The following SPIDR variants were observed in gnomAD, a reference collection of about 807,000 sequenced individuals.
SPIDR encodes DNA repair-scaffolding protein.
A neutral mutation model predicts 104.6 loss-of-function variants in SPIDR; 93 were observed. The observed-to-expected ratio is 0.89, with a 90% CI of 0.75 to 1.06. The LOEUF is 1.06. Ranked by LOEUF, SPIDR falls within the 50% of genes least tolerant of loss-of-function variation. SPIDR has a pLI of 0.00. For synonymous variants in SPIDR, 431 were observed against 416.9 expected (o/e 1.03, Z -0.41); for missense variants, 1,154 against 1,111.2 (o/e 1.04, Z -0.55).
chr8:47,483,540 T>A (rs1197557222), intron 8 of SPIDR, among the ~76,000 whole-genome samples: 1 of 151,982 alleles, frequency 6.6e-6, no homozygotes. Flanking sequence ...GATGGCCCGT[T>A]TAGGATAGGT....
intron 5 of SPIDR, among the ~76,000 whole-genome samples, chr8:47,393,162 A>G (rs1028532588): frequency 6.6e-6 from 1 of 152,242 alleles, no homozygotes; most frequent in African/African-American, 2.4e-5. Flanking sequence ...TTCCCCAGGT[A>G]TCCCATAGGC....
chr8:47,415,584 G>T (rs2064141105), intron 7 of SPIDR, among the ~76,000 whole-genome samples: 1 of 152,096 alleles, frequency 6.6e-6, no homozygotes, highest in African/African-American at 2.4e-5. Flanking sequence ...CTCATGAAGG[G>T]AATTAGAAGA....
In SPIDR at chr8:47,727,272, T is replaced by G. The variant is rs779202616; in HGVS notation, c.2414T>G (p.Leu805Trp). 1 of 1,614,034 alleles carries G rather than the reference T, an allele frequency of 6.2e-7. No homozygotes were observed. Among genetic ancestry groups the G allele is most frequent in the Non-Finnish European group, 8.5e-7 (1 of 1,179,982 alleles). ...TGTGACATGTGTGGCAACGGGAGAT[T>G]GGAACAGAGGCCGGAAGACAGGTAA... ...PVCDMCGNGRLEQRPEDRGAF... is the reference protein window; with the variant it reads ...PVCDMCGNGRWEQRPEDRGAF... Residue 805 changes from leucine to tryptophan, a missense_variant, in exon 17 of 20, where the codon TTG becomes TGG. By Grantham distance (61) the Leu-to-Trp change is moderately conservative. Coordinates refer to ENST00000297423, the MANE Select transcript of SPIDR (RefSeq NM_001080394.4).
intron 10 of SPIDR, among the ~76,000 whole-genome samples, chr8:47,649,373 G>T (rs1200723156): frequency 6.6e-6 from 1 of 152,076 alleles, no homozygotes. Flanking sequence ...CCAAAATGAG[G>T]GTTCATGCTG....
At chr8:47,426,445 A>G (rs183936996) in intron 7 of SPIDR, among the ~76,000 whole-genome samples, 98 of 151,976 alleles carry the variant, frequency 6.4e-4, no homozygotes, top group African/African-American at 2.1e-3. Flanking sequence ...ACTTTCATTC[A>G]ACATTTATTA....
chr8:47,297,363 T>C (rs1329572118), intron 5 of SPIDR, among the ~76,000 whole-genome samples: 2 of 152,200 alleles, frequency 1.3e-5, no homozygotes, highest in Admixed American at 6.5e-5. Flanking sequence ...GCCTTTATTG[T>C]GTATAAACAC....
chr8:47,338,884 A>G (rs1483431232), intron 5 of SPIDR, among the ~76,000 whole-genome samples: 1 of 152,190 alleles, frequency 6.6e-6, no homozygotes, highest in Non-Finnish European at 1.5e-5. Context: ...TGGGGGGGTC[A>G]GCCTTGACGT....
At chr8:47,438,066 C>G (rs1404386467) in intron 7 of SPIDR, among the ~76,000 whole-genome samples, 1 of 152,198 alleles carries the variant, frequency 6.6e-6, no homozygotes, top group Non-Finnish European at 1.5e-5. Context: ...TTGAGCTGCC[C>G]AAGACAAGAA....
At chr8:47,496,211 G>A (rs1366626123) in intron 8 of SPIDR, among the ~76,000 whole-genome samples, 3 of 151,958 alleles carry the variant, frequency 2.0e-5, no homozygotes, top group Non-Finnish European at 2.9e-5. Context: ...TTCCCTGACT[G>A]GAACCTCTAG....
At chr8:47,411,638 T>A (rs1369658309) in intron 7 of SPIDR, among the ~76,000 whole-genome samples, 2 of 152,232 alleles carry the variant, frequency 1.3e-5, no homozygotes, top group Non-Finnish European at 2.9e-5. Context: ...TCTTTTGCTG[T>A]GCAGAAGCTC....
chr8:47,398,769 A>G, intron 6 of SPIDR, among the ~76,000 whole-genome samples: 1 of 152,158 alleles, frequency 6.6e-6, no homozygotes, highest in South Asian at 2.1e-4. Flanking sequence ...GCTGGGCGAG[A>G]GGAGAACCTG....
chr8:47,452,085 A>G (rs1410840356), intron 8 of SPIDR, among the ~76,000 whole-genome samples: 8 of 152,196 alleles, frequency 5.3e-5, no homozygotes, highest in African/African-American at 7.2e-5. Context: ...TTCAAGCATA[A>G]TAAAGTCAAA....
intron 8 of SPIDR, among the ~76,000 whole-genome samples, chr8:47,484,247 G>C (rs2077242526): frequency 6.6e-6 from 1 of 152,252 alleles, no homozygotes; most frequent in Non-Finnish European, 1.5e-5. Context: ...AGCAATCATA[G>C]CAATGAAAAT....
At chr8:47,263,127 T>C (rs1291290013) in intron 1 of SPIDR, among the ~76,000 whole-genome samples, 6 of 152,246 alleles carry the variant, frequency 3.9e-5, no homozygotes, top group Non-Finnish European at 5.9e-5. Context: ...CTAAGTAATT[T>C]GCCTAAGGTC....
chr8:47,422,336 C>T (rs1013228926), intron 7 of SPIDR, among the ~76,000 whole-genome samples: 3 of 152,160 alleles, frequency 2.0e-5, no homozygotes, highest in Non-Finnish European at 4.4e-5. Context: ...GCCTCACTGC[C>T]CCCTTGCAGT....
chr8:47,520,528 T>C (rs2083899386), intron 8 of SPIDR, among the ~76,000 whole-genome samples: 1 of 152,184 alleles, frequency 6.6e-6, no homozygotes, highest in Non-Finnish European at 1.5e-5. Flanking sequence ...CAGAGCCAAT[T>C]CCCACCCCTT....
At chr8:47,287,568 C>T (rs1217925004) in intron 3 of SPIDR, among the ~76,000 whole-genome samples, 1 of 152,118 alleles carries the variant, frequency 6.6e-6, no homozygotes, top group Non-Finnish European at 1.5e-5. Flanking sequence ...TGCATTCCTT[C>T]CCCAGGGTAT....
chr8:47,707,296 G>T (rs545776919), intron 14 of SPIDR, among the ~76,000 whole-genome samples: 1 of 151,358 alleles, frequency 6.6e-6, no homozygotes, highest in African/African-American at 2.4e-5. Flanking sequence ...ATAAGGTGTC[G>T]GCCAACAGTA....
In SPIDR at chr8:47,437,543, G is replaced by A. The variant is rs543626569; in HGVS notation, c.878-2780G>A. On this transcript the variant is annotated intron_variant, in intron 7 of 19. Transcript: ENST00000297423. ...AGTCTTTGCTATTGTGAATAATGCC[G>A]CAATAAAAAACAACCCCATCAAAAA... Among the ~76,000 whole-genome samples the A allele has an allele frequency of 5.9e-5, 9 of 151,824 alleles. No homozygotes were observed. In the South Asian group the frequency reaches 8.3e-4, roughly 14 times the overall value.
Sources: allele counts gnomAD v4.1 joint callset (sites outside exome capture counted in the v4.1 genomes callset), GRCh38; gene constraint gnomAD v4.1.1; transcripts MANE v1.5; gene names NCBI Gene and HGNC (gene_info 2026-07-23, HGNC 2026-07-21).